CDKAL1: variants seen among roughly 807,000 people sequenced by gnomAD.
CDKAL1 encodes the protein CDKAL1 threonylcarbamoyladenosine tRNA methylthiotransferase.
Under a neutral mutation model 68.2 loss-of-function variants are expected in CDKAL1, and 32 were observed. The observed-to-expected ratio is 0.47, with a 90% CI of 0.35 to 0.63. The LOEUF (loss-of-function observed/expected upper bound fraction) is 0.63, where lower values mean the gene tolerates loss of function less well. Among genes scored for constraint, CDKAL1 ranks in the 30% least tolerant of loss-of-function variants. The probability of loss-of-function intolerance (pLI) is 0.00; values close to 1 mark genes in which losing one functional copy is unlikely to be tolerated. For synonymous variants in CDKAL1, 234 were observed against 244.3 expected, an observed-to-expected ratio of 0.96 and a Z score of 0.39; for missense variants, 606 against 696.7, an observed-to-expected ratio of 0.87 and a Z score of 1.47.
At chr6:20,979,964 G>T (rs1001607956) in intron 10 of CDKAL1, among the ~76,000 whole-genome samples, 4 of 151,512 alleles carry the variant, frequency 2.6e-5, no homozygotes, top group Admixed American at 6.6e-5. Context: ...TAGAGATGGG[G>T]TTTCATCATG....
At chr6:20,733,152 C>T (rs566218071) in intron 5 of CDKAL1, among the ~76,000 whole-genome samples, 2 of 152,266 alleles carry the variant, frequency 1.3e-5, no homozygotes, top group South Asian at 4.1e-4. Flanking sequence ...ACTTCTCCTG[C>T]ATAACGTTGG....
At chr6:20,773,514 A>G (rs1190316066) in intron 7 of CDKAL1, among the ~76,000 whole-genome samples, 1 of 152,146 alleles carries the variant, frequency 6.6e-6, no homozygotes, top group Non-Finnish European at 1.5e-5. Flanking sequence ...GTGAGAATTG[A>G]TATGTACGGT....
chr6:20,886,882 G>A (rs981149426), intron 9 of CDKAL1, among the ~76,000 whole-genome samples: 1 of 152,156 alleles, frequency 6.6e-6, no homozygotes, highest in Non-Finnish European at 1.5e-5. Flanking sequence ...AAAGAGCTCT[G>A]TTAAAATGAA....
intron 4 of CDKAL1, among the ~76,000 whole-genome samples, chr6:20,600,766 G>GAATACATATATATATATATA (rs1766049340): frequency 1.6e-5 from 1 of 61,050 alleles, no homozygotes; most frequent in Admixed American, 1.8e-4. Context: ...AGATATATAT[G>GAATACATATATATATATATA]TATACATATA....
At chr6:20,809,260 CA>C in intron 8 of CDKAL1, among the ~76,000 whole-genome samples, 1 of 152,296 alleles carries the variant, frequency 6.6e-6, no homozygotes, top group African/African-American at 2.4e-5. Flanking sequence ...TTCCTTAACG[CA>C]GTGGGTATTT....
At chr6:20,669,971 T>TAA (rs113960849) in intron 5 of CDKAL1, among the ~76,000 whole-genome samples, 10 of 151,998 alleles carry the variant, frequency 6.6e-5, no homozygotes, top group African/African-American at 2.4e-4. Context: ...GTATATGTAT[T>TAA]AAAAAAACAC....
intron 4 of CDKAL1, among the ~76,000 whole-genome samples, chr6:20,591,588 A>G (rs1322838215): frequency 1.3e-5 from 2 of 152,138 alleles, no homozygotes; most frequent in African/African-American, 4.8e-5. Flanking sequence ...TTTTTTGCAT[A>G]TGGCTAACTA....
chr6:20,566,037 T>C (rs1344816834), intron 4 of CDKAL1, among the ~76,000 whole-genome samples: 2 of 152,046 alleles, frequency 1.3e-5, no homozygotes, highest in African/African-American at 4.8e-5. Context: ...GATAGTTAAG[T>C]GTCCCAAAAA....
chr6:20,720,726 C>G (rs908663083), intron 5 of CDKAL1, among the ~76,000 whole-genome samples: 1 of 152,198 alleles, frequency 6.6e-6, no homozygotes. Context: ...TCTCAAACTC[C>G]TGACCTCAAG....
At chr6:20,609,155 T>C (rs1443095782) in intron 4 of CDKAL1, among the ~76,000 whole-genome samples, 3 of 152,212 alleles carry the variant, frequency 2.0e-5, no homozygotes, top group Non-Finnish European at 2.9e-5. Flanking sequence ...TATCTGTGTG[T>C]GTGCTGGCAG....
chr6:20,852,545 T>G (rs952990991), intron 9 of CDKAL1, among the ~76,000 whole-genome samples: 4 of 152,232 alleles, frequency 2.6e-5, no homozygotes, highest in African/African-American at 9.6e-5. Flanking sequence ...ATAAATGTAA[T>G]GTACATAATA....
At chr6:21,051,799 A>T (rs1202852468) in intron 11 of CDKAL1, among the ~76,000 whole-genome samples, 2 of 152,206 alleles carry the variant, frequency 1.3e-5, no homozygotes, top group African/African-American at 2.4e-5. Flanking sequence ...CACCATCCTG[A>T]GCAATTAGTA....
At chr6:20,978,949 T>C (rs1161959745) in intron 10 of CDKAL1, among the ~76,000 whole-genome samples, 1 of 152,168 alleles carries the variant, frequency 6.6e-6, no homozygotes, top group Admixed American at 6.5e-5. Context: ...TTATTTATCT[T>C]AAAAAGGATT....
At chr6:20,612,822 A>G (rs1378830253) in intron 4 of CDKAL1, among the ~76,000 whole-genome samples, 5 of 152,068 alleles carry the variant, frequency 3.3e-5, no homozygotes, top group Non-Finnish European at 2.9e-5. Context: ...GCCTAGACCA[A>G]TGTCCTGGAG....
chr6:20,559,142 G>A (rs985878549), intron 4 of CDKAL1: 2 of 152,166 alleles, frequency 1.3e-5, no homozygotes, highest in African/African-American at 4.8e-5. Flanking sequence ...TGAACCAAGA[G>A]ACTACTGTGT....
At chr6:20,862,678 C>G (rs1388482809) in intron 9 of CDKAL1, among the ~76,000 whole-genome samples, 5 of 151,898 alleles carry the variant, frequency 3.3e-5, no homozygotes, top group African/African-American at 1.2e-4. Context: ...CGTGCATGCG[C>G]GCGTGCGCAT....
At chr6:21,200,992 G>A (rs570152257) in intron 14 of CDKAL1, 118 bp from the exon 15 acceptor site, 1 of 811,724 alleles carries the variant, frequency 1.2e-6, no homozygotes, top group South Asian at 2.5e-5. Flanking sequence ...AGAAAACTGG[G>A]AGTTAGGTAT....
chr6:21,023,101 G>A (rs532662882), intron 11 of CDKAL1, among the ~76,000 whole-genome samples: 39 of 149,084 alleles, frequency 2.6e-4, no homozygotes, highest in African/African-American at 9.2e-4. Context: ...TTTTTTTTAA[G>A]TTTGAAGATA....
Position 20,548,773 on chromosome 6 carries a change from C to G in CDKAL1, c.286+68C>G, listed in dbSNP as rs537328433. Reference sequence around the variant, plus strand: ...AATTAAGCTTTTAGAGATAAATAGCCTAGCAGTTAAAGGGTATTTTAGCAT... The same window carrying G: ...AATTAAGCTTTTAGAGATAAATAGCGTAGCAGTTAAAGGGTATTTTAGCAT... On this transcript the variant is annotated intron_variant, in intron 4 of 15. Coordinates refer to ENST00000274695, the MANE Select transcript of CDKAL1 (RefSeq NM_017774.3). 1.3e-5 allele frequency: 9 copies of G among 705,350 alleles called. No homozygotes were observed. In the South Asian group the frequency reaches 1.5e-4, roughly 12 times the overall value. The allele number at this position is 705,350 out of a possible 1,614,324, so 43.7% of individuals were successfully genotyped here.
Sources: allele counts gnomAD v4.1 joint callset (sites outside exome capture counted in the v4.1 genomes callset), GRCh38; gene constraint gnomAD v4.1.1; transcripts MANE v1.5; gene names NCBI Gene and HGNC (gene_info 2026-07-23, HGNC 2026-07-21).